Variants in IGSF21 observed in about 807,000 individuals in gnomAD.
IGSF21 encodes immunoglobulin superfamily member 21.
A neutral mutation model predicts 46.8 loss-of-function variants in IGSF21; 28 were observed. The ratio of observed to expected loss-of-function variants is 0.60; its 90% CI spans 0.44 to 0.82. The LOEUF is 0.82. IGSF21 is among the 40% of genes least tolerant of loss of function. IGSF21 has a pLI of 0.00. For synonymous variants in IGSF21, 284 were observed against 273.6 expected, an observed-to-expected ratio of 1.04 and a Z score of -0.38; for missense variants, 624 against 665.5, an observed-to-expected ratio of 0.94 and a Z score of 0.69.
chr1:18,317,157 A>T (rs1387233358), intron 3 of IGSF21, among the ~76,000 whole-genome samples: 3 of 152,162 alleles, frequency 2.0e-5, no homozygotes, highest in Non-Finnish European at 4.4e-5. Context: ...AGTGCTTAGA[A>T]CCAAAGCCTT....
intron 2 of IGSF21, among the ~76,000 whole-genome samples, chr1:18,243,342 G>A (rs373448951): frequency 2.6e-5 from 4 of 152,194 alleles, no homozygotes; most frequent in East Asian, 1.9e-4. Flanking sequence ...AATCTAGGGC[G>A]TCTCTCCTAT....
At chr1:18,118,489 A>C (rs1277785956) in intron 1 of IGSF21, among the ~76,000 whole-genome samples, 1 of 152,204 alleles carries the variant, frequency 6.6e-6, no homozygotes. Flanking sequence ...ACCATACAAC[A>C]GCCAAGAGCT....
At chr1:18,137,394 C>A (rs940485058) in intron 1 of IGSF21, among the ~76,000 whole-genome samples, 4 of 152,172 alleles carry the variant, frequency 2.6e-5, no homozygotes. Flanking sequence ...CACACATCCA[C>A]CTGATCCCCC....
intron 4 of IGSF21, among the ~76,000 whole-genome samples, chr1:18,341,099 T>TCCC (rs2085835544): frequency 6.8e-6 from 1 of 147,956 alleles, no homozygotes; most frequent in Non-Finnish European, 1.5e-5. Flanking sequence ...CTCCTCCTTC[T>TCCC]CCTCCTCCCC....
chr1:18,290,925 G>C lies in IGSF21; in HGVS notation c.184-941G>C, dbSNP rs997234200. ...CAGGCATGAGGCCTCCCCATTGCAG[G>C]CTGTTAGCGCAGAGCCCAGCTGAGC... On this transcript the variant is annotated intron_variant, in intron 2 of 9. Coordinates refer to ENST00000251296, the MANE Select transcript of IGSF21 (RefSeq NM_032880.5). This position sits in a 1 kb window ranked among gnomAD's most constrained non-coding sequence, Gnocchi z 4.2. Among the ~76,000 whole-genome samples, 1 of 152,130 alleles carries C rather than the reference G, an allele frequency of 6.6e-6. No homozygotes were observed. Among genetic ancestry groups the C allele is most frequent in the Admixed American group, 6.5e-5 (1 of 15,280 alleles).
chr1:18,177,057 C>T (rs2086806447), intron 1 of IGSF21, among the ~76,000 whole-genome samples: 2 of 152,198 alleles, frequency 1.3e-5, no homozygotes, highest in South Asian at 4.1e-4. Context: ...AGTTTGCCAT[C>T]CTCCCAGTCT....
chr1:18,116,328 C>T (rs760247970), intron 1 of IGSF21, among the ~76,000 whole-genome samples: 79 of 152,210 alleles, frequency 5.2e-4, no homozygotes, highest in African/African-American at 1.8e-3. Flanking sequence ...GGGGCAGCCA[C>T]CTGCGGTTAA....
intron 6 of IGSF21, among the ~76,000 whole-genome samples, chr1:18,373,484 A>C (rs539791784): frequency 2.0e-5 from 3 of 152,170 alleles, no homozygotes; most frequent in Non-Finnish European, 2.9e-5. Context: ...GCAACATCTC[A>C]ACACAGCAGT....
intron 1 of IGSF21, among the ~76,000 whole-genome samples, chr1:18,155,347 T>G (rs2124437793): frequency 6.6e-6 from 1 of 152,296 alleles, no homozygotes; most frequent in South Asian, 2.1e-4. Context: ...GCCATGTGAC[T>G]TCCTTGCTGA....
intron 1 of IGSF21, among the ~76,000 whole-genome samples, chr1:18,220,116 G>T (rs12753104): frequency 0.15 from 22,262 of 152,150 alleles, 2,417 homozygotes; most frequent in East Asian, 0.39. Flanking sequence ...TGTTGTTATG[G>T]TGGTTCAGTT....
intron 6 of IGSF21, among the ~76,000 whole-genome samples, chr1:18,375,269 C>T (rs1286851492): frequency 1.3e-5 from 2 of 152,218 alleles, no homozygotes; most frequent in East Asian, 1.9e-4. Flanking sequence ...CTCAGCTCTG[C>T]TCCAAATGGC....
intron 2 of IGSF21, among the ~76,000 whole-genome samples, chr1:18,272,137 A>G (rs1216110962): frequency 6.6e-6 from 1 of 152,228 alleles, no homozygotes; most frequent in African/African-American, 2.4e-5. Flanking sequence ...GCAGCAGACA[A>G]GAGAGAAATG....
Position 18,365,586 on chromosome 1 carries a change from C to A in IGSF21, c.904C>A (p.Arg302Ser), listed in dbSNP as rs759051309. ...TPSSDGTVEV[R>S]ALLTWTLNPQ... is the part of the protein sequence containing the mutation. The stretch of plus-strand genomic sequence containing the variant: ...GAGCAGTGACGGCACTGTGGAAGTA[C>A]GTGCCCTGCTCACCTGGACCCTCAA... The change falls in exon 6 of 10, where the codon CGT becomes AGT. Residue 302 changes from arginine (R) to serine (S), a missense_variant. By Grantham distance (110) the Arg-to-Ser change is moderately radical (BLOSUM62 -1). Transcript: ENST00000251296. This position sits in a 1 kb window ranked among gnomAD's most constrained non-coding sequence, Gnocchi z 4.8. The A allele has an allele frequency of 6.2e-7, 1 of 1,614,182 alleles. No individual in the cohort carries two copies. Among genetic ancestry groups the A allele is most frequent in the Admixed American group, 1.7e-5 (1 of 60,022 alleles).
rs1553166308 is a variant in IGSF21 at position 18,359,338 on chromosome 1, A to AAAAAAAAGAAAGAAAGAAAG, written c.425-2774_425-2773insAAAAGAAAGAAAGAAAGAAA. Among the ~76,000 whole-genome samples the AAAAAAAAGAAAGAAAGAAAG allele has an allele frequency of 3.5e-3, 124 of 35,368 alleles. 10 individuals are homozygous for AAAAAAAAGAAAGAAAGAAAG. Among genetic ancestry groups the AAAAAAAAGAAAGAAAGAAAG allele is most frequent in the South Asian group, 0.013 (11 of 836 alleles). The allele number at this position is 35,368 out of a possible 152,430, so 23.2% of individuals were successfully genotyped here. On this transcript the variant is annotated intron_variant, in intron 4 of 9. Transcript: ENST00000251296. ...AAAGAGAGAGAGAGAAAGAGAAAGA[A>AAAAAAAAGAAAGAAAGAAAG]AAAGAAAGAAAGAAAGAAAGAAAGA...
chr1:18,156,919 G>A (rs2086574487), intron 1 of IGSF21, among the ~76,000 whole-genome samples: 2 of 152,210 alleles, frequency 1.3e-5, no homozygotes, highest in African/African-American at 4.8e-5. Flanking sequence ...GAGTTCAGGA[G>A]TTCCAGGCCA....
intron 2 of IGSF21, among the ~76,000 whole-genome samples, chr1:18,269,091 G>A (rs1396526259): frequency 1.3e-5 from 2 of 152,222 alleles, no homozygotes; most frequent in Non-Finnish European, 2.9e-5. Context: ...CATCACATGG[G>A]GCGCAGGAGG....
At chr1:18,236,131 C>G (rs146577724) in intron 2 of IGSF21, among the ~76,000 whole-genome samples, 1 of 152,022 alleles carries the variant, frequency 6.6e-6, no homozygotes, top group Non-Finnish European at 1.5e-5. Context: ...TGTCCCCACC[C>G]AAATCTCAGT....
chr1:18,114,652 CA>C (rs2086173277), intron 1 of IGSF21: 1 of 152,218 alleles, frequency 6.6e-6, no homozygotes, highest in African/African-American at 2.4e-5. Flanking sequence ...TGAAAATGCA[CA>C]AAACACTTCC....
chr1:18,249,889 T>C (rs116764298), intron 2 of IGSF21, among the ~76,000 whole-genome samples: 1,779 of 152,246 alleles, frequency 0.012, 17 homozygotes, highest in East Asian at 0.033. Context: ...CCTCATTTCC[T>C]GCTGCCAGGG....
Sources: gnomAD v4.1 joint callset for allele counts (sites outside exome capture counted in the v4.1 genomes callset) on GRCh38, gnomAD v4.1.1 for gene constraint, Gnocchi (gnomAD v3.1) non-coding constraint, MANE v1.5 for transcripts, NCBI Gene and HGNC (gene_info 2026-07-23, HGNC 2026-07-21) for gene names.